ZFP91: variants seen among roughly 807,000 people sequenced by gnomAD.
ZFP91 encodes the protein ZFP91 zinc finger protein, atypical E3 ubiquitin ligase, also known as E3 ubiquitin-protein ligase ZFP91.
ZFP91 carries 7 observed loss-of-function variants against 63.5 expected under a neutral mutation model. The observed-to-expected ratio is 0.11, with a 90% CI of 0.06 to 0.21. The LOEUF (loss-of-function observed/expected upper bound fraction) is 0.21, where lower values mean the gene tolerates loss of function less well. ZFP91 is among the 10% of genes least tolerant of loss of function. The pLI, the probability that ZFP91 is intolerant of heterozygous loss-of-function variation, is 1.00. For synonymous variants in ZFP91, 330 were observed against 272.1 expected (o/e 1.21, Z -2.10); for missense variants, 628 against 736.6 (o/e 0.85, Z 1.71).
chr11:58,590,180 A>G (rs1168481765), intron 2 of ZFP91, among the ~76,000 whole-genome samples: 1 of 152,224 alleles, frequency 6.6e-6, no homozygotes, highest in Non-Finnish European at 1.5e-5. Flanking sequence ...ACTTGCTTGT[A>G]TCTTCATTTT....
At chr11:58,598,788 T>G (rs1303911255) in intron 2 of ZFP91, among the ~76,000 whole-genome samples, 3 of 142,834 alleles carry the variant, frequency 2.1e-5, no homozygotes, top group Non-Finnish European at 4.5e-5. Context: ...GTGTGTGTGT[T>G]TTGAGGTGAA....
At chr11:58,615,755 A>T (rs1855740042) in intron 9 of ZFP91, among the ~76,000 whole-genome samples, 2 of 152,258 alleles carry the variant, frequency 1.3e-5, no homozygotes, top group South Asian at 4.1e-4. Flanking sequence ...AGACCTGCTG[A>T]ATCAGCATAT....
At position 58,611,649 on chromosome 11, in the gene ZFP91, G is replaced by A. The variant is rs1182113078; in HGVS notation, c.768G>A (p.Glu256=). The change falls in exon 6 of 11, where the codon GAG becomes GAA. Residue 256 remains glutamate, a synonymous_variant. Transcript: ENST00000316059. ...GAAAATCAGGGAAGGTAAAAGAAGA[G>A]AAGGAGAAGAAGGAAATTAAAGTGG... ...PRRKSGKVKE[E]KEKKEIKVEV... is the part of the protein sequence containing the mutation. The A allele has an allele frequency of 2.5e-6, 4 of 1,612,842 alleles. No individual in the cohort carries two copies. Among genetic ancestry groups the A allele is most frequent in the Non-Finnish European group, 3.4e-6 (4 of 1,179,286 alleles).
Position 58,614,234 on chromosome 11 carries a change from C to G in ZFP91, c.993C>G (p.His331Gln). 6.3e-7 allele frequency: 1 copy of G among 1,598,164 alleles called. No individual in the cohort carries two copies. The highest frequency in any genetic ancestry group is 8.5e-7 in the Non-Finnish European group (1 of 1,171,186). Reference protein sequence around the residue: ...VLAHPRYLQHHIKYQHLLKKK... With the variant: ...VLAHPRYLQHQIKYQHLLKKK... ...TTTCACTTTCTCTGTTTTAGCACCA[C>G]ATTAAATACCAGCATTTGCTGAAGA... is the stretch of plus-strand genomic sequence containing the variant. The change falls in exon 9 of 11, where the codon CAC becomes CAG. Residue 331 changes from histidine (H) to glutamine (Q), a missense_variant. This residue lies in a region of ZFP91 where 76 missense variants were observed against 230.9 expected (regional missense o/e 0.33). Transcript: ENST00000316059.
intron 2 of ZFP91, among the ~76,000 whole-genome samples, chr11:58,607,153 G>C (rs1459485098): frequency 1.3e-5 from 2 of 151,988 alleles, no homozygotes; most frequent in African/African-American, 2.4e-5. Context: ...TATGGAGTGA[G>C]TTCAAAGTCC....
intron 2 of ZFP91, among the ~76,000 whole-genome samples, chr11:58,590,813 G>A (rs1311888246): frequency 6.6e-6 from 1 of 151,926 alleles, no homozygotes; most frequent in African/African-American, 2.4e-5. Context: ...AAGAAGAGGT[G>A]CCTAGATGCT....
At position 58,609,868 on chromosome 11, in the gene ZFP91, C is replaced by T. The variant is rs753031250; in HGVS notation, c.409C>T (p.Leu137Phe). ...AAAAGAGGAAGAAGACGATTCTGCC[C>T]TCCCTCAGGAAGTTTCCATTGCTGC... ...EEKEEEDDSA[L>F]PQEVSIAASR... The change falls in exon 3 of 11, where the codon CTC becomes TTC. Residue 137 changes from leucine (L) to phenylalanine (F), a missense_variant. Physicochemically the swap from Leu to Phe is conservative, Grantham distance 22. This residue lies in a region of ZFP91 where 437 missense variants were observed against 380.3 expected (regional missense o/e 1.15). Coordinates refer to ENST00000316059, the MANE Select transcript of ZFP91 (RefSeq NM_053023.5). 1.2e-6 allele frequency: 2 copies of T among 1,614,156 alleles called. No individual in the cohort carries two copies. The highest frequency in any genetic ancestry group is 2.2e-5 in the East Asian group (1 of 44,878).
In ZFP91 at chr11:58,610,405, A is replaced by T. The variant is rs1590627715; in HGVS notation, c.617+71A>T. 7.9e-6 allele frequency: 11 copies of T among 1,396,198 alleles called. No individual in the cohort carries two copies. In the East Asian group the frequency reaches 2.6e-4, roughly 33 times the overall value. 86.5% of individuals were successfully genotyped at this position (1,396,198 alleles called of 1,614,324 possible). ...GCATAGTCACAGTAAATGATTCAGA[A>T]GTTGCTTCCATTTGAAATTATTTTG... is the stretch of plus-strand genomic sequence containing the variant. On this transcript the variant is annotated intron_variant, in intron 4 of 10. Coordinates refer to ENST00000316059, the MANE Select transcript of ZFP91 (RefSeq NM_053023.5).
Position 58,617,097 on chromosome 11 carries a change from T to TGTGTGA in ZFP91, c.1203-97_1203-96insGTGAGT. 1 of 1,040,646 alleles carries TGTGTGA rather than the reference T, an allele frequency of 9.6e-7. No individual in the cohort carries two copies. The highest frequency in any genetic ancestry group is 1.6e-5 in the African/African-American group (1 of 62,368). The allele number at this position is 1,040,646 out of a possible 1,614,324, so 64.5% of individuals were successfully genotyped here. A position where few individuals can be genotyped will look rare whatever the true frequency, so the allele number is the denominator to read the frequency against. ...GTGTGTGTGTGTGTGTGTGTGTGTG[T>TGTGTGA]GTATGTATATATATGCTCTAAACTC... On this transcript the variant is annotated intron_variant, in intron 10 of 10. Transcript: ENST00000316059. The surrounding 1 kb of genome is among the most constrained non-coding windows in gnomAD (Gnocchi z 4.2).
chr11:58,610,276 G>A (rs774498489), intron 3 of ZFP91, 22 bp from the exon 4 acceptor site: 1 of 1,588,396 alleles, frequency 6.3e-7, no homozygotes, highest in Non-Finnish European at 8.5e-7. Flanking sequence ...ATAAAATTTT[G>A]TTTTTGGCTT....
At chr11:58,589,843 A>G (rs1422088407) in intron 2 of ZFP91, among the ~76,000 whole-genome samples, 1 of 152,248 alleles carries the variant, frequency 6.6e-6, no homozygotes, top group African/African-American at 2.4e-5. Context: ...ATAAAGATAT[A>G]TGTCACTTAT....
intron 1 of ZFP91, among the ~76,000 whole-genome samples, chr11:58,584,074 A>G (rs529583496): frequency 6.6e-6 from 1 of 152,176 alleles, no homozygotes; most frequent in African/African-American, 2.4e-5. Context: ...TTTCTGAATG[A>G]AAAACCTGGG....
At chr11:58,579,726 C>T in intron 1 of ZFP91, 104 bp downstream of exon 1, 3 of 1,146,798 alleles carry the variant, frequency 2.6e-6, no homozygotes, top group Admixed American at 3.7e-5. Flanking sequence ...GCCTGGTCTG[C>T]CCCCTGCCGG....
chr11:58,614,187 T>C (rs1437462108), intron 8 of ZFP91, 42 bp from the exon 9 acceptor site: 1 of 1,373,628 alleles, frequency 7.3e-7, no homozygotes, highest in Non-Finnish European at 1.0e-6. Context: ...TCAGGAAGCC[T>C]TAATTTTTTT....
intron 2 of ZFP91, among the ~76,000 whole-genome samples, chr11:58,601,556 C>CT (rs1303479699): frequency 1.3e-5 from 2 of 150,292 alleles, no homozygotes; most frequent in Non-Finnish European, 3.0e-5. Context: ...TACTCTGCTC[C>CT]TTTTTTCCTA....
chr11:58,611,096 A>ACAT, intron 5 of ZFP91, 42 bp downstream of exon 5: 1 of 1,572,680 alleles, frequency 6.4e-7, no homozygotes, highest in Non-Finnish European at 8.7e-7. Flanking sequence ...ATGAAATATA[A>ACAT]GTAGGAAAGC....
chr11:58,579,313 C>A lies in ZFP91; in HGVS notation c.32C>A (p.Pro11Gln). Residue 11 changes from proline to glutamine, a missense_variant, in exon 1 of 11, where the codon CCG (proline) becomes CAG (glutamine). Pro to Gln is a moderately conservative substitution (Grantham distance 76). Coordinates refer to ENST00000316059, the MANE Select transcript of ZFP91 (RefSeq NM_053023.5). MPGETEEPRP[P>Q]EQQDQEGGEA... ...GGGGAGACGGAAGAGCCGAGACCCC[C>A]GGAGCAGCAGGACCAGGAAGGGGGA... 6.7e-7 allele frequency: 1 copy of A among 1,491,614 alleles called. No homozygotes were observed. The highest frequency in any genetic ancestry group is 1.5e-5 in the African/African-American group (1 of 68,040). The allele number at this position is 1,491,614 out of a possible 1,614,324, so 92.4% of individuals were successfully genotyped here.
chr11:58,612,190 C>CGT (rs139680226), intron 6 of ZFP91, 88 bp from the exon 7 acceptor site: 27,498 of 1,185,280 alleles, frequency 0.023, 145 homozygotes, highest in Non-Finnish European at 0.026. Flanking sequence ...GTTCTTTGGC[C>CGT]GTGTGTGTGT....
rs1444667397 is a variant in ZFP91 at position 58,619,689 on chromosome 11, CAG to C, written c.*1986_*1987del. ...TCTCAAATGCGCTATTGTTTCTTTT[CAG>C]AGTGTTGCAGATTTGCCATTTCTCC... is the stretch of plus-strand genomic sequence containing the variant. On this transcript the variant is annotated 3_prime_UTR_variant, in exon 11 of 11. Coordinates refer to ENST00000316059, the MANE Select transcript of ZFP91 (RefSeq NM_053023.5). 6.6e-6 allele frequency: 1 copy of C among 152,550 alleles called. No individual in the cohort carries two copies. The highest frequency in any genetic ancestry group is 1.5e-5 in the Non-Finnish European group (1 of 68,026). The allele number at this position is 152,550 out of a possible 1,614,324, so 9.4% of individuals were successfully genotyped here. A position where few individuals can be genotyped will look rare whatever the true frequency, so the allele number is the denominator to read the frequency against.
Sources: gnomAD v4.1 joint callset for allele counts (sites outside exome capture counted in the v4.1 genomes callset) on GRCh38, gnomAD v4.1.1 for gene constraint, gnomAD v4.1.1 regional missense constraint, Gnocchi (gnomAD v3.1) non-coding constraint, MANE v1.5 for transcripts, NCBI Gene and HGNC (gene_info 2026-07-23, HGNC 2026-07-21) for gene names.